Variants in SORBS2 observed in about 807,000 individuals in gnomAD.
SORBS2 encodes sorbin and SH3 domain-containing protein 2.
SORBS2 carries 46 observed loss-of-function variants against 97.7 expected under a neutral mutation model. That is an observed-to-expected ratio of 0.47 (90% confidence interval 0.37 to 0.60). SORBS2 has a LOEUF of 0.60. Ranked by LOEUF, SORBS2 falls within the 20% of genes least tolerant of loss-of-function variation. SORBS2 has a pLI of 0.00. For missense variants in SORBS2, 1,316 were observed against 1,282.3 expected, an observed-to-expected ratio of 1.03 and a Z score of -0.40; for synonymous variants, 476 against 473.4, an observed-to-expected ratio of 1.01 and a Z score of -0.07.
At chr4:185,809,257 A>G (rs916328933) in intron 1 of SORBS2, among the ~76,000 whole-genome samples, 1 of 151,770 alleles carries the variant, frequency 6.6e-6, no homozygotes. Context: ...GAGGCCAGCA[A>G]AGCTCTGGAA....
At chr4:185,758,615 A>T (rs556101171) in intron 2 of SORBS2, among the ~76,000 whole-genome samples, 1 of 151,772 alleles carries the variant, frequency 6.6e-6, no homozygotes, top group Non-Finnish European at 1.5e-5. Context: ...TTCCTTCCTC[A>T]CCTGGCCGTT....
In SORBS2 at chr4:185,905,209, A is replaced by G. The variant is rs1579407372; in HGVS notation, c.-338+50987T>C. On this transcript the variant is annotated intron_variant, in intron 1 of 20. Transcript: ENST00000284776. ...AGCAGGCTTCCCCAAGCTGGGGGCC[A>G]AAAAACCCCAGGGAAACACAGGGTT... Among the ~76,000 whole-genome samples the G allele has an allele frequency of 2.0e-5, 3 of 152,314 alleles. 1 individual carries two copies. The East Asian group carries it at 5.8e-4, about 29-fold the overall frequency.
chr4:185,669,300 G>A (rs1003644301), intron 4 of SORBS2, among the ~76,000 whole-genome samples: 1 of 152,190 alleles, frequency 6.6e-6, no homozygotes, highest in African/African-American at 2.4e-5. Flanking sequence ...GGCAGAATGC[G>A]GAAGTCATGT....
In SORBS2 at chr4:185,623,379, C is replaced by A; in HGVS notation, c.1750G>T (p.Glu584Ter). 6.2e-7 allele frequency: 1 copy of A among 1,612,920 alleles called. No individual in the cohort carries two copies. Among genetic ancestry groups the A allele is most frequent in the African/African-American group, 1.3e-5 (1 of 74,986 alleles). Residue 584 changes from glutamate to a stop codon, truncating the protein, a stop_gained, in exon 7 of 15, where the codon GAA (glutamate) becomes TAA (stop). Coordinates refer to ENST00000418609, the Ensembl canonical transcript of SORBS2. LOFTEE classifies it high-confidence loss of function. This position sits in a 1 kb window ranked among gnomAD's most constrained non-coding sequence, Gnocchi z 6.4. ...TGCCTTCTGGGCTCCTCGGTGTTTT[C>A]GTGTCTGGCTCTTTCGTGTTTTAAC...
intron 12 of SORBS2, among the ~76,000 whole-genome samples, chr4:185,609,250 T>C (rs1026580633): frequency 2.0e-5 from 3 of 152,246 alleles, no homozygotes; most frequent in Admixed American, 6.5e-5. Flanking sequence ...TTCTAGTTTA[T>C]ACCCCTTGTT....
At chr4:185,763,113 C>T (rs12649620) in intron 2 of SORBS2, among the ~76,000 whole-genome samples, 39,414 of 151,942 alleles carry the variant, frequency 0.26, 5,383 homozygotes, top group Admixed American at 0.34. Context: ...CACTTGAACC[C>T]GGGAGGCGGA....
chr4:185,805,369 C>T (rs1253356307), intron 1 of SORBS2, among the ~76,000 whole-genome samples: 4 of 152,168 alleles, frequency 2.6e-5, no homozygotes, highest in Non-Finnish European at 5.9e-5. Flanking sequence ...ACTTTCTAAT[C>T]ATGTGTTGGC....
chr4:185,786,299 G>C lies in SORBS2; in HGVS notation c.-337-10933C>G, dbSNP rs188758835. On this transcript the variant is annotated intron_variant, in intron 1 of 20. Transcript: ENST00000284776. Reference sequence around the variant, plus strand: ...AACAGCATTACCACTGCTTCATTTAGTAAGTAGAGAAGGCTAAAGAGGAAA... The same window carrying C: ...AACAGCATTACCACTGCTTCATTTACTAAGTAGAGAAGGCTAAAGAGGAAA... 2.6e-4 allele frequency among the ~76,000 whole-genome samples: 39 copies of C among 152,286 alleles called. No homozygotes were observed. In the East Asian group the frequency reaches 7.3e-3, roughly 29 times the overall value.
At chr4:185,642,352 T>TA (rs969507438) in intron 4 of SORBS2, among the ~76,000 whole-genome samples, 4 of 148,878 alleles carry the variant, frequency 2.7e-5, no homozygotes, top group African/African-American at 5.0e-5. Context: ...TTTTCATATA[T>TA]TTTTTTTTTA....
intron 4 of SORBS2, among the ~76,000 whole-genome samples, chr4:185,644,176 T>C (rs1459040868): frequency 6.6e-6 from 1 of 152,170 alleles, no homozygotes; most frequent in Non-Finnish European, 1.5e-5. Context: ...AGGGTTAACA[T>C]TTTTGGTTCT....
exon 8 of SORBS2, chr4:185,620,143 A>AAGT (rs1431626579): frequency 2.4e-5 from 38 of 1,606,514 alleles, no homozygotes; most frequent in Non-Finnish European, 3.2e-5. Context: ...CTTCTAGGGG[A>AAGT]CTCACGGTCT....
At chr4:185,850,019 A>C (rs1579183010) in intron 1 of SORBS2, among the ~76,000 whole-genome samples, 1 of 152,330 alleles carries the variant, frequency 6.6e-6, no homozygotes, top group South Asian at 2.1e-4. Flanking sequence ...CTGCTATTGC[A>C]TAAGCCTTCA....
intron 1 of SORBS2, among the ~76,000 whole-genome samples, chr4:185,875,849 T>C (rs779783676): frequency 3.3e-5 from 5 of 152,242 alleles, no homozygotes; most frequent in African/African-American, 4.8e-5. Flanking sequence ...TGGTGTTTTT[T>C]CAGGTAATAA....
intron 1 of SORBS2, among the ~76,000 whole-genome samples, chr4:185,839,501 G>A (rs1355232550): frequency 6.6e-6 from 1 of 152,152 alleles, no homozygotes; most frequent in African/African-American, 2.4e-5. Flanking sequence ...CAACATCCAC[G>A]TATTCTGCAG....
chr4:185,800,916 G>C (rs1159051632), intron 1 of SORBS2, among the ~76,000 whole-genome samples: 3 of 152,054 alleles, frequency 2.0e-5, no homozygotes, highest in African/African-American at 7.2e-5. Flanking sequence ...AAGAACATTT[G>C]GATCTACTCC....
At chr4:185,814,031 G>A (rs997151615) in intron 1 of SORBS2, among the ~76,000 whole-genome samples, 8 of 152,138 alleles carry the variant, frequency 5.3e-5, no homozygotes, top group Admixed American at 1.3e-4. Context: ...ACTGGCTGGT[G>A]TGAAATCTGT....
intron 2 of SORBS2, among the ~76,000 whole-genome samples, chr4:185,707,078 T>C (rs750298234): frequency 6.6e-6 from 1 of 152,212 alleles, no homozygotes; most frequent in African/African-American, 2.4e-5. Flanking sequence ...CAAAAACTGA[T>C]CTAAGAATAT....
At chr4:185,736,222 T>C (rs2098686789) in intron 2 of SORBS2, among the ~76,000 whole-genome samples, 1 of 152,246 alleles carries the variant, frequency 6.6e-6, no homozygotes, top group African/African-American at 2.4e-5. Flanking sequence ...ATAAACTTTG[T>C]GGTTTTGTCA....
rs144573866 is a variant in SORBS2, at chr4:185,628,991, T to A, written c.446+1558A>T. On this transcript the variant is annotated intron_variant, in intron 5 of 14. Transcript: ENST00000418609. ...ACAAGACTTGTGTAGACAACAGTGA[T>A]AATAGCAACAGCAGCAACCCCAGCT... Among the ~76,000 whole-genome samples the A allele has an allele frequency of 2.0e-3, 307 of 152,350 alleles. 1 individual carries two copies. Among genetic ancestry groups the A allele is most frequent in the Middle Eastern group, 6.8e-3 (2 of 294 alleles).
Sources: gnomAD v4.1 joint callset for allele counts (sites outside exome capture counted in the v4.1 genomes callset) on GRCh38, gnomAD v4.1.1 for gene constraint, Gnocchi (gnomAD v3.1) non-coding constraint, MANE v1.5 for transcripts, NCBI Gene and HGNC (gene_info 2026-07-23, HGNC 2026-07-21) for gene names.